The following CPEB3 variants were observed in gnomAD, a reference collection of about 807,000 sequenced individuals.
CPEB3 encodes the protein cytoplasmic polyadenylation element-binding protein 3.
Under a neutral mutation model 67.2 loss-of-function variants are expected in CPEB3, and 20 were observed. The observed-to-expected ratio is 0.30, with a 90% CI of 0.21 to 0.43. CPEB3 has a LOEUF of 0.43. Ranked by LOEUF, CPEB3 falls within the 20% of genes least tolerant of loss-of-function variation. The pLI is 1.00. For synonymous variants in CPEB3, 376 were observed against 393.1 expected (o/e 0.96, Z 0.51); for missense variants, 746 against 968.6 (o/e 0.77, Z 3.05).
At chr10:92,240,663 G>A (rs548151025) in intron 1 of CPEB3, among the ~76,000 whole-genome samples, 1 of 152,078 alleles carries the variant, frequency 6.6e-6, no homozygotes, top group Non-Finnish European at 1.5e-5. Flanking sequence ...ATTTCGCCAC[G>A]TCTCTTTTCC....
chr10:92,224,896 AAT>A (rs955014972), intron 2 of CPEB3, among the ~76,000 whole-genome samples: 15 of 147,674 alleles, frequency 1.0e-4, no homozygotes, highest in East Asian at 5.8e-4. Flanking sequence ...TAAATTTAAA[AAT>A]ATATATATTT....
intron 6 of CPEB3, among the ~76,000 whole-genome samples, chr10:92,125,961 T>A (rs1300299189): frequency 1.3e-5 from 2 of 152,134 alleles, no homozygotes; most frequent in East Asian, 3.9e-4. Context: ...TGGGCTCAAG[T>A]GTTCTACCTG....
At chr10:92,086,918 A>C (rs1843398025) in intron 8 of CPEB3, among the ~76,000 whole-genome samples, 1 of 152,218 alleles carries the variant, frequency 6.6e-6, no homozygotes. Context: ...TAAAGGTAAT[A>C]CAGTTAATCA....
chr10:92,064,847 T>G (rs1842487480), intron 9 of CPEB3, among the ~76,000 whole-genome samples: 1 of 152,236 alleles, frequency 6.6e-6, no homozygotes, highest in Non-Finnish European at 1.5e-5. Context: ...CAATATACCG[T>G]GTGTTTCAGA....
At chr10:92,188,013 T>C (rs187082391) in intron 3 of CPEB3, among the ~76,000 whole-genome samples, 5 of 152,056 alleles carry the variant, frequency 3.3e-5, no homozygotes, top group African/African-American at 1.2e-4. Flanking sequence ...CTGGGCAACA[T>C]GGTGAAACCT....
chr10:92,240,064 G>C lies in CPEB3; in HGVS notation c.287C>G (p.Pro96Arg), dbSNP rs1851759832. 1 of 1,591,402 alleles carries C rather than the reference G, an allele frequency of 6.3e-7. No homozygotes were observed. Among genetic ancestry groups the C allele is most frequent in the African/African-American group, 1.3e-5 (1 of 74,466 alleles). ...CGACAGCGACGCGCCCGGTGCCGCGGGCTCCTGAGGCGGCGGCGGCTGCTG... is the reference window on the plus strand; with the variant it reads ...CGACAGCGACGCGCCCGGTGCCGCGCGCTCCTGAGGCGGCGGCGGCTGCTG... ...PPQQPPPPQE[P>R]AAPGASLSPS... The change falls in exon 2 of 10, where the codon CCC becomes CGC. Residue 96 changes from proline to arginine, a missense_variant. Pro to Arg is a moderately radical substitution (Grantham distance 103). Coordinates refer to ENST00000265997, the MANE Select transcript of CPEB3 (RefSeq NM_014912.5).
chr10:92,289,826 A>ATG (rs1842754411), intron 1 of CPEB3, among the ~76,000 whole-genome samples: 2 of 140,824 alleles, frequency 1.4e-5, no homozygotes, highest in African/African-American at 5.2e-5. Context: ...TATAATACAT[A>ATG]TATATTATAT....
chr10:92,206,221 G>A (rs772050969), intron 2 of CPEB3, among the ~76,000 whole-genome samples: 3 of 151,838 alleles, frequency 2.0e-5, no homozygotes, highest in African/African-American at 4.8e-5. Context: ...ACAGGCACGC[G>A]CCACCACGCC....
intron 2 of CPEB3, among the ~76,000 whole-genome samples, chr10:92,235,603 A>C (rs1383161841): frequency 6.6e-6 from 1 of 152,264 alleles, no homozygotes; most frequent in Non-Finnish European, 1.5e-5. Flanking sequence ...ATTTTAACTC[A>C]TACAAGGCCA....
chr10:92,288,764 T>G (rs143905746), intron 1 of CPEB3, among the ~76,000 whole-genome samples: 2,029 of 152,334 alleles, frequency 0.013, 49 homozygotes, highest in African/African-American at 0.047. Flanking sequence ...ACAGACATTC[T>G]AACATTGGTT....
intron 1 of CPEB3, among the ~76,000 whole-genome samples, chr10:92,281,398 A>T (rs1326010814): frequency 6.6e-6 from 1 of 151,898 alleles, no homozygotes; most frequent in Non-Finnish European, 1.5e-5. Flanking sequence ...TGGCCTTTTT[A>T]AAATTGTTCA....
chr10:92,143,545 T>C (rs926820897), intron 5 of CPEB3, among the ~76,000 whole-genome samples: 2 of 152,212 alleles, frequency 1.3e-5, no homozygotes, highest in African/African-American at 4.8e-5. Flanking sequence ...ATAGATACGA[T>C]TCTTTTGGTA....
At chr10:92,108,191 AGG>A (rs1362045972) in intron 7 of CPEB3, among the ~76,000 whole-genome samples, 1 of 152,194 alleles carries the variant, frequency 6.6e-6, no homozygotes, top group East Asian at 1.9e-4. Flanking sequence ...CAACAGAACA[AGG>A]GCACTGGGAT....
intron 4 of CPEB3, among the ~76,000 whole-genome samples, chr10:92,148,905 T>C (rs1183669747): frequency 6.9e-6 from 1 of 144,776 alleles, no homozygotes; most frequent in East Asian, 2.0e-4. Context: ...ATACTGGCTT[T>C]TTTTTTTTTT....
intron 1 of CPEB3, among the ~76,000 whole-genome samples, chr10:92,272,767 T>C (rs1209894939): frequency 6.6e-6 from 1 of 152,142 alleles, no homozygotes; most frequent in Non-Finnish European, 1.5e-5. Context: ...TTGTTAAATT[T>C]ATGCTTTCTA....
chr10:92,218,021 G>A (rs1010229215), intron 2 of CPEB3, among the ~76,000 whole-genome samples: 4 of 152,158 alleles, frequency 2.6e-5, no homozygotes, highest in African/African-American at 9.7e-5. Context: ...GAGATGGGAG[G>A]ATCGCCTGAT....
At chr10:92,189,263 G>A (rs1007961784) in intron 3 of CPEB3, among the ~76,000 whole-genome samples, 34 of 152,094 alleles carry the variant, frequency 2.2e-4, no homozygotes, top group Non-Finnish European at 4.0e-4. Flanking sequence ...ATGGTAAGAC[G>A]TTTATCCTTC....
At chr10:92,217,085 G>A (rs1353929329) in intron 2 of CPEB3, among the ~76,000 whole-genome samples, 5 of 147,678 alleles carry the variant, frequency 3.4e-5, no homozygotes, top group Admixed American at 6.8e-5. Flanking sequence ...GTATGCGCCT[G>A]TAGTCCGAGC....
intron 1 of CPEB3, among the ~76,000 whole-genome samples, chr10:92,245,864 T>C (rs1207178680): frequency 1.3e-5 from 2 of 150,794 alleles, no homozygotes; most frequent in Admixed American, 6.6e-5. Flanking sequence ...CGGTGAAACC[T>C]CGTCTCTACT....
Sources: allele counts gnomAD v4.1 joint callset (sites outside exome capture counted in the v4.1 genomes callset), GRCh38; gene constraint gnomAD v4.1.1; transcripts MANE v1.5; gene names NCBI Gene and HGNC (gene_info 2026-07-23, HGNC 2026-07-21).